Variants in TMTC2 observed in about 807,000 individuals in gnomAD.
The protein encoded by TMTC2 is protein O-mannosyl-transferase TMTC2.
TMTC2 carries 43 observed loss-of-function variants against 82.4 expected under a neutral mutation model. The ratio of observed to expected loss-of-function variants is 0.52; its 90% CI spans 0.41 to 0.67. TMTC2 has a LOEUF of 0.67. TMTC2 is among the 30% of genes least tolerant of loss of function. TMTC2 has a pLI of 0.00. For missense variants in TMTC2, 919 were observed against 1,012.4 expected (o/e 0.91, Z 1.25); for synonymous variants, 408 against 381.9 (o/e 1.07, Z -0.80).
chr12:82,871,845 T>C (rs902272271), intron 2 of TMTC2, among the ~76,000 whole-genome samples: 3 of 152,096 alleles, frequency 2.0e-5, no homozygotes, highest in African/African-American at 7.2e-5. Flanking sequence ...TTAATACATA[T>C]GTACTGTTTT....
At chr12:83,088,999 G>C (rs1883752954) in intron 11 of TMTC2, among the ~76,000 whole-genome samples, 1 of 152,186 alleles carries the variant, frequency 6.6e-6, no homozygotes. Context: ...GCAAAGGCTT[G>C]TGCAGCTGGT....
At chr12:82,739,496 C>A (rs1289911235) in intron 1 of TMTC2, among the ~76,000 whole-genome samples, 2 of 151,984 alleles carry the variant, frequency 1.3e-5, no homozygotes, top group African/African-American at 2.4e-5. Flanking sequence ...TTAAATACAG[C>A]AGAGCAACAA....
rs373327504 is a variant in TMTC2 at position 82,693,691 on chromosome 12, C to CGG, written c.83+6024_83+6025dup. 7.3e-3 allele frequency among the ~76,000 whole-genome samples: 1,103 copies of CGG among 151,900 alleles called. 15 individuals are homozygous for CGG. The highest frequency in any genetic ancestry group is 0.027 in the Middle Eastern group (8 of 292). On this transcript the variant is annotated intron_variant, in intron 1 of 11. Transcript: ENST00000321196. The stretch of plus-strand genomic sequence containing the variant: ...AGGTTTCTAGAATAAAAGGTGTGGC[C>CGG]GGGCGCGGTGGCTCACGCCTGTAAT...
chr12:82,926,460 G>T (rs931756664), intron 3 of TMTC2, among the ~76,000 whole-genome samples: 1 of 152,250 alleles, frequency 6.6e-6, no homozygotes, highest in Non-Finnish European at 1.5e-5. Context: ...TTGAAGGAAA[G>T]AAGCCAGCTC....
chr12:83,040,885 C>A (rs568869198), intron 9 of TMTC2, among the ~76,000 whole-genome samples: 1 of 151,930 alleles, frequency 6.6e-6, no homozygotes, highest in African/African-American at 2.4e-5. Flanking sequence ...AGGGGATCAC[C>A]GTGTTAGCCA....
intron 2 of TMTC2, among the ~76,000 whole-genome samples, chr12:82,878,764 G>A (rs145405658): frequency 1.3e-5 from 2 of 152,112 alleles, no homozygotes; most frequent in South Asian, 2.1e-4. Flanking sequence ...TGAGCCAGGT[G>A]CGGTGCCATG....
At chr12:82,915,558 C>T (rs1874952692) in intron 3 of TMTC2, among the ~76,000 whole-genome samples, 1 of 152,166 alleles carries the variant, frequency 6.6e-6, no homozygotes, top group Admixed American at 6.5e-5. Context: ...AGGAACATAC[C>T]TGATGGCTGG....
chr12:82,797,329 T>G (rs902220587), intron 1 of TMTC2, among the ~76,000 whole-genome samples: 1 of 152,200 alleles, frequency 6.6e-6, no homozygotes, highest in Non-Finnish European at 1.5e-5. Flanking sequence ...ACATTAATTG[T>G]TTTATTCACC....
rs1883578007 is a variant in TMTC2, at chr12:83,084,392, G to A, written c.2331+22561G>A. 2.6e-5 allele frequency among the ~76,000 whole-genome samples: 4 copies of A among 151,948 alleles called. No homozygotes were observed. The South Asian group carries it at 8.3e-4, about 32-fold the overall frequency. ...TAAAAACATAACTTACATAATAAAG[G>A]TAGAAGCTTTTTATTTCCCTCAGTT... is the stretch of plus-strand genomic sequence containing the variant. On this transcript the variant is annotated intron_variant, in intron 11 of 11. Transcript: ENST00000321196.
chr12:82,734,495 T>C (rs1874987696), intron 1 of TMTC2, among the ~76,000 whole-genome samples: 1 of 152,214 alleles, frequency 6.6e-6, no homozygotes, highest in Admixed American at 6.5e-5. Flanking sequence ...GTGTGCATCC[T>C]TCTCTTGCTT....
intron 1 of TMTC2, among the ~76,000 whole-genome samples, chr12:82,731,897 A>G (rs1290908352): frequency 6.6e-6 from 1 of 152,240 alleles, no homozygotes; most frequent in Non-Finnish European, 1.5e-5. Flanking sequence ...CTTGATTAAT[A>G]GGAAGTTTAT....
intron 11 of TMTC2, among the ~76,000 whole-genome samples, chr12:83,112,031 GGGA>G (rs1248662244): frequency 1.3e-5 from 2 of 151,882 alleles, no homozygotes; most frequent in African/African-American, 4.8e-5. Flanking sequence ...GCTTGAGCCT[GGGA>G]GGAGGAGGTT....
rs58787658 is a variant in TMTC2, at chr12:82,959,386, A to G, written c.1599-5638A>G. Among the ~76,000 whole-genome samples the G allele has an allele frequency of 5.9e-5, 9 of 152,282 alleles. No homozygotes were observed. In the East Asian group the frequency reaches 1.2e-3, roughly 20 times the overall value. On this transcript the variant is annotated intron_variant, in intron 4 of 11. Transcript: ENST00000321196. Reference sequence around the variant, plus strand: ...GCCAAAGTAATTCTAAGCAAAAAGAACAAACCCAGAGGCATTGCATTATTC... The same window carrying G: ...GCCAAAGTAATTCTAAGCAAAAAGAGCAAACCCAGAGGCATTGCATTATTC...
chr12:82,687,408 C>A lies in TMTC2; in HGVS notation c.-179C>A. On this transcript the variant is annotated 5_prime_UTR_variant, in exon 1 of 12. Transcript: ENST00000321196. ...AGGACGCAGGAGCTGCGGAGACGGGCGCGAGGAGGAGGAGAGGAGTCGTGG... is the reference window on the plus strand; with the variant it reads ...AGGACGCAGGAGCTGCGGAGACGGGAGCGAGGAGGAGGAGAGGAGTCGTGG... 1 of 602,330 alleles carries A rather than the reference C, an allele frequency of 1.7e-6. No homozygotes were observed. The highest frequency in any genetic ancestry group is 2.9e-6 in the Non-Finnish European group (1 of 346,132). The allele number at this position is 602,330 out of a possible 1,614,324, so 37.3% of individuals were successfully genotyped here. A position where few individuals can be genotyped will look rare whatever the true frequency, so the allele number is the denominator to read the frequency against.
At chr12:82,808,778 GT>G (rs1879356457) in intron 1 of TMTC2, among the ~76,000 whole-genome samples, 1 of 151,910 alleles carries the variant, frequency 6.6e-6, no homozygotes, top group South Asian at 2.1e-4. Flanking sequence ...TTTGGGATTA[GT>G]TTTTATTTTG....
chr12:82,809,198 A>G (rs1450391673), intron 1 of TMTC2, among the ~76,000 whole-genome samples: 1 of 151,996 alleles, frequency 6.6e-6, no homozygotes, highest in African/African-American at 2.4e-5. Flanking sequence ...GGTCATAGGA[A>G]GAATATTCCA....
chr12:82,717,273 G>T (rs546924602), intron 1 of TMTC2, among the ~76,000 whole-genome samples: 1 of 149,070 alleles, frequency 6.7e-6, no homozygotes, highest in East Asian at 2.0e-4. Flanking sequence ...CGCCCAGGCT[G>T]TAGTGCAATG....
chr12:82,769,604 T>C (rs912333943), intron 1 of TMTC2, among the ~76,000 whole-genome samples: 1 of 152,174 alleles, frequency 6.6e-6, no homozygotes, highest in Non-Finnish European at 1.5e-5. Context: ...GAAGTGATGT[T>C]AAAGACACTT....
chr12:82,869,129 G>A (rs534681567), intron 2 of TMTC2, among the ~76,000 whole-genome samples: 3 of 152,104 alleles, frequency 2.0e-5, no homozygotes, highest in South Asian at 2.1e-4. Flanking sequence ...TACATGGGGC[G>A]AGTGGCAGGG....
Sources: gnomAD v4.1 joint callset for allele counts (sites outside exome capture counted in the v4.1 genomes callset) on GRCh38, gnomAD v4.1.1 for gene constraint, MANE v1.5 for transcripts, NCBI Gene and HGNC (gene_info 2026-07-23, HGNC 2026-07-21) for gene names.